The following PRDM11 variants were observed in gnomAD, a reference collection of about 807,000 sequenced individuals.
The protein encoded by PRDM11 is PR domain-containing protein 11.
PRDM11 carries 20 observed loss-of-function variants against 97.8 expected under a neutral mutation model. That is an observed-to-expected ratio of 0.20 (90% confidence interval 0.14 to 0.30). The LOEUF is 0.30. PRDM11 is among the 10% of genes least tolerant of loss of function. The probability of loss-of-function intolerance (pLI) is 1.00; values close to 1 mark genes in which losing one functional copy is unlikely to be tolerated. For synonymous variants in PRDM11, 599 were observed against 637.7 expected (o/e 0.94, Z 0.91); for missense variants, 1,139 against 1,555.2 (o/e 0.73, Z 4.50).
At chr11:45,172,661 A>C (rs1227144076) in intron 1 of PRDM11, among the ~76,000 whole-genome samples, 1 of 152,212 alleles carries the variant, frequency 6.6e-6, no homozygotes, top group Non-Finnish European at 1.5e-5. Flanking sequence ...TTATTCCCTA[A>C]ACGATACAGT....
intron 1 of PRDM11, among the ~76,000 whole-genome samples, chr11:45,125,536 T>G (rs947523053): frequency 0.039 from 5,958 of 152,284 alleles, 403 homozygotes; most frequent in African/African-American, 0.14. Flanking sequence ...TCTGGTATGT[T>G]GTGTCTTTGT....
intron 1 of PRDM11, among the ~76,000 whole-genome samples, chr11:45,157,932 C>T (rs1303558482): frequency 1.3e-5 from 2 of 152,198 alleles, no homozygotes; most frequent in Non-Finnish European, 2.9e-5. Flanking sequence ...GGGCCATTGC[C>T]CAGGCCCTGG....
intron 1 of PRDM11, among the ~76,000 whole-genome samples, chr11:45,151,119 A>G (rs1851648458): frequency 6.6e-6 from 1 of 152,128 alleles, no homozygotes; most frequent in Non-Finnish European, 1.5e-5. Context: ...GGTAACACCT[A>G]CCTAACATCG....
chr11:45,108,381 C>A (rs1427716201), intron 1 of PRDM11, among the ~76,000 whole-genome samples: 1 of 152,202 alleles, frequency 6.6e-6, no homozygotes, highest in African/African-American at 2.4e-5. Flanking sequence ...GCTCAAGTAC[C>A]AGGCCAGGTC....
At chr11:45,211,502 G>A (rs534424772) in intron 5 of PRDM11, among the ~76,000 whole-genome samples, 9 of 150,846 alleles carry the variant, frequency 6.0e-5, no homozygotes, top group South Asian at 2.1e-4. Context: ...CCCTGTGTCC[G>A]GCTGCAAGGA....
chr11:45,103,376 A>C (rs898875420), intron 1 of PRDM11, among the ~76,000 whole-genome samples: 17 of 152,196 alleles, frequency 1.1e-4, no homozygotes. Flanking sequence ...GGAAGATGAG[A>C]GGGAGATGAG....
At chr11:45,187,939 G>A (rs992665917) in intron 4 of PRDM11, among the ~76,000 whole-genome samples, 9 of 152,044 alleles carry the variant, frequency 5.9e-5, no homozygotes, top group African/African-American at 1.9e-4. Context: ...GGGAGAGTAC[G>A]GGGAAGGTGG....
In PRDM11 at chr11:45,171,298, C is replaced by A. The variant is rs142968925; in HGVS notation, c.-6-10463C>A. On this transcript the variant is annotated intron_variant, in intron 1 of 7. Transcript: ENST00000683152. ...TATTTTTAGTAGAAACAGGGTTTTG[C>A]CATGTTAGCCAGGCTGGTCTTGAAC... 6.9e-3 allele frequency among the ~76,000 whole-genome samples: 1,048 copies of A among 152,180 alleles called. 11 individuals carry two copies. Among genetic ancestry groups the A allele is most frequent in the African/African-American group, 0.024 (1,001 of 41,520 alleles).
intron 1 of PRDM11, among the ~76,000 whole-genome samples, chr11:45,150,198 C>T (rs1318253408): frequency 6.6e-6 from 1 of 152,080 alleles, no homozygotes; most frequent in Non-Finnish European, 1.5e-5. Context: ...CTGATGAGGC[C>T]TCCTCATCCT....
chr11:45,118,815 T>C (rs1412132898), intron 1 of PRDM11, among the ~76,000 whole-genome samples: 1 of 152,236 alleles, frequency 6.6e-6, no homozygotes, highest in African/African-American at 2.4e-5. Context: ...CTCACTCTTG[T>C]TATTTCTACT....
intron 4 of PRDM11, among the ~76,000 whole-genome samples, chr11:45,202,005 C>T (rs542048948): frequency 3.3e-5 from 5 of 152,160 alleles, no homozygotes; most frequent in South Asian, 4.2e-4. Flanking sequence ...GACAGGGTCT[C>T]GCTATGTTGC....
rs555600726 is a variant in PRDM11 at position 45,159,422 on chromosome 11, A to G, written c.-7+12545A>G. Among the ~76,000 whole-genome samples the G allele has an allele frequency of 3.3e-5, 5 of 152,332 alleles. No individual in the cohort carries two copies. The South Asian group carries it at 1.0e-3, about 32-fold the overall frequency. ...TGTTGTGGGAGTCCCTGTGGTTCAC[A>G]AAGAGGCTAAGTGGGCCTGGTCTCA... is the stretch of plus-strand genomic sequence containing the variant. On this transcript the variant is annotated intron_variant, in intron 1 of 7. Transcript: ENST00000683152.
In PRDM11 at chr11:45,229,717, T is replaced by G. The variant is rs1854362023; in HGVS notation, c.*1558T>G. ...GTTCCTACATCTGATTTATGCATAT[T>G]TTATATGCAGAGATCCTATCACGTG... On this transcript the variant is annotated 3_prime_UTR_variant, in exon 8 of 8. Coordinates refer to ENST00000683152, the MANE Select transcript of PRDM11 (RefSeq NM_001384648.1). 1 of 152,194 alleles carries G rather than the reference T, an allele frequency of 6.6e-6. No individual in the cohort carries two copies. 9.4% of individuals were successfully genotyped at this position (152,194 alleles called of 1,614,324 possible). A position where few individuals can be genotyped will look rare whatever the true frequency, so the allele number is the denominator to read the frequency against.
intron 1 of PRDM11, among the ~76,000 whole-genome samples, chr11:45,106,154 C>T (rs1852057748): frequency 6.6e-6 from 1 of 152,234 alleles, no homozygotes; most frequent in African/African-American, 2.4e-5. Context: ...AGGAAAGGGC[C>T]TCTGGGGTCA....
rs1854324161 is a variant in PRDM11 at position 45,228,233 on chromosome 11, TATAA to T, written c.*78_*81del. On this transcript the variant is annotated 3_prime_UTR_variant, in exon 8 of 8. Transcript: ENST00000683152. ...TATACTCATAAGCTTTGATATATTATATAAATATATATTATATTATATTATATTA... is the reference window on the plus strand; with the variant it reads ...TATACTCATAAGCTTTGATATATTATATATATATTATATTATATTATATTA... The T allele has an allele frequency of 2.8e-6, 1 of 356,292 alleles. No individual in the cohort carries two copies. Among genetic ancestry groups the T allele is most frequent in the African/African-American group, 3.4e-5 (1 of 29,114 alleles). 22.1% of individuals were successfully genotyped at this position (356,292 alleles called of 1,614,324 possible).
At chr11:45,144,768 C>T (rs1264440885), upstream of PRDM11, among the ~76,000 whole-genome samples, 1 of 152,228 alleles carries the variant, frequency 6.6e-6, no homozygotes, top group Admixed American at 6.5e-5. Flanking sequence ...TCTGACATTA[C>T]TTCCTTGGTG....
intron 1 of PRDM11, among the ~76,000 whole-genome samples, chr11:45,140,054 T>C (rs887660737): frequency 6.6e-6 from 1 of 152,240 alleles, no homozygotes; most frequent in Non-Finnish European, 1.5e-5. Flanking sequence ...ATTTTCATCT[T>C]CTACACATGC....
chr11:45,221,074 G>C (rs1430203927), intron 6 of PRDM11, among the ~76,000 whole-genome samples: 1 of 152,190 alleles, frequency 6.6e-6, no homozygotes, highest in Non-Finnish European at 1.5e-5. Flanking sequence ...AAGATGAAAA[G>C]GGGGTGGGAG....
chr11:45,206,615 T>C (rs1183665589), intron 5 of PRDM11, among the ~76,000 whole-genome samples: 2 of 152,236 alleles, frequency 1.3e-5, no homozygotes, highest in Non-Finnish European at 2.9e-5. Flanking sequence ...GGACAAGGCC[T>C]TCTCAAAACC....
Sources: gnomAD v4.1 joint callset for allele counts (sites outside exome capture counted in the v4.1 genomes callset) on GRCh38, gnomAD v4.1.1 for gene constraint, MANE v1.5 for transcripts, NCBI Gene and HGNC (gene_info 2026-07-23, HGNC 2026-07-21) for gene names.